GALC: variants seen among roughly 807,000 people sequenced by gnomAD.
The protein encoded by GALC is galactocerebrosidase.
A neutral mutation model predicts 91.8 loss-of-function variants in GALC; 77 were observed. The ratio of observed to expected loss-of-function variants is 0.84; its 90% CI spans 0.70 to 1.01. GALC has a LOEUF of 1.01. Among genes scored for constraint, GALC ranks in the 50% least tolerant of loss-of-function variants. The pLI, the probability that GALC is intolerant of heterozygous loss-of-function variation, is 0.00. For missense variants in GALC, 882 were observed against 855.9 expected (o/e 1.03, Z -0.38); for synonymous variants, 357 against 306.7 (o/e 1.16, Z -1.71).
Position 87,988,209 on chromosome 14 carries a change from T to C in GALC, c.265-2A>G, listed in dbSNP as rs199710405. 2.5e-5 allele frequency: 40 copies of C among 1,613,118 alleles called. No homozygotes were observed. The highest frequency in any genetic ancestry group is 5.9e-6 in the Non-Finnish European group (7 of 1,179,446). On this transcript the variant is annotated splice_acceptor_variant, in intron 2 of 16. Transcript: ENST00000261304. LOFTEE classifies it high-confidence loss of function. ...ATGCAAAGAGGCACCAAAATTCGGC[T>C]GTGAAAAGAAGTAACAGTATTAACA...
intron 5 of GALC, 100 bp downstream of exon 5, chr14:87,984,286 AGCCTCATG>A (rs1886874868): frequency 9.4e-7 from 1 of 1,064,990 alleles, no homozygotes; most frequent in East Asian, 2.6e-5. Context: ...AGAACAAATT[AGCCTCATG>A]GCATAAAATG....
At chr14:87,972,107 A>G (rs1352066366) in intron 7 of GALC, among the ~76,000 whole-genome samples, 1 of 152,156 alleles carries the variant, frequency 6.6e-6, no homozygotes, top group Middle Eastern at 3.2e-3. Context: ...CAAAATTGCA[A>G]TAGCCCAAAA....
chr14:87,976,403 G>A lies in GALC; in HGVS notation c.707C>T (p.Ser236Phe), dbSNP rs747457735. 1.9e-6 allele frequency: 3 copies of A among 1,613,970 alleles called. No individual in the cohort carries two copies. The highest frequency in any genetic ancestry group is 1.1e-5 in the South Asian group (1 of 91,076). ...GAAGAGTTCGGCATCAAGGAGCATG[G>A]ATGCAGAGATGGACTCCCAGAGATT... The part of the protein sequence containing the change: ...SDNLWESISA[S>F]MLLDAELFKV... Residue 236 changes from serine (S) to phenylalanine (F), a missense_variant, in exon 7 of 17, where the codon TCC (serine) becomes TTC (phenylalanine). Ser to Phe is a radical substitution (Grantham distance 155). Transcript: ENST00000261304.
chr14:87,966,416 C>T (rs1421261431), intron 8 of GALC, among the ~76,000 whole-genome samples: 1 of 151,848 alleles, frequency 6.6e-6, no homozygotes, highest in Non-Finnish European at 1.5e-5. Context: ...AGTTATTGAA[C>T]TTGGTATTGT....
chr14:87,979,366 A>C (rs890553680), intron 6 of GALC, among the ~76,000 whole-genome samples: 1 of 152,162 alleles, frequency 6.6e-6, no homozygotes, highest in African/African-American at 2.4e-5. Context: ...AGATCCCAAT[A>C]AAATCTTGCT....
intron 6 of GALC, among the ~76,000 whole-genome samples, chr14:87,977,715 T>C (rs1886561098): frequency 6.6e-6 from 1 of 152,226 alleles, no homozygotes; most frequent in Non-Finnish European, 1.5e-5. Flanking sequence ...ACAAGCTCTC[T>C]CTTCACATTC....
intron 10 of GALC, among the ~76,000 whole-genome samples, chr14:87,956,752 T>C (rs959629050): frequency 1.3e-5 from 2 of 151,818 alleles, no homozygotes; most frequent in Non-Finnish European, 2.9e-5. Context: ...TCTGATACAG[T>C]GACTTCTTTT....
chr14:87,992,398 C>A, intron 1 of GALC: 1 of 1,535,664 alleles, frequency 6.5e-7, no homozygotes, highest in East Asian at 2.4e-5. Context: ...GACCTTGAGG[C>A]ACCAGTCCTG....
intron 16 of GALC, 81 bp downstream of exon 16, chr14:87,939,824 C>T (rs1053446759): frequency 6.0e-6 from 6 of 998,388 alleles, no homozygotes; most frequent in African/African-American, 4.8e-5. Flanking sequence ...ACACTTTCCC[C>T]CTCCTATTTT....
intron 7 of GALC, 43 bp from the exon 8 acceptor site, chr14:87,968,533 C>G: frequency 2.5e-6 from 4 of 1,585,018 alleles, no homozygotes; most frequent in Non-Finnish European, 3.5e-6. Flanking sequence ...AAGGTCACGA[C>G]GTGGCACTTA....
intron 7 of GALC, among the ~76,000 whole-genome samples, chr14:87,970,487 C>G (rs17687510): frequency 0.11 from 17,161 of 151,882 alleles, 1,141 homozygotes; most frequent in Non-Finnish European, 0.16. Context: ...ACATTCAAAA[C>G]CCAAATGATT....
chr14:87,937,200 G>A (rs1218303892), intron 16 of GALC, among the ~76,000 whole-genome samples: 1 of 151,766 alleles, frequency 6.6e-6, no homozygotes, highest in East Asian at 2.0e-4. Context: ...ACGCAAAGAA[G>A]ATTTATATGT....
chr14:87,973,326 G>A (rs935705345), intron 7 of GALC, among the ~76,000 whole-genome samples: 3 of 152,106 alleles, frequency 2.0e-5, no homozygotes, highest in Non-Finnish European at 2.9e-5. Flanking sequence ...ACTTGAAGGT[G>A]AGCATTTAAT....
upstream of GALC, chr14:87,993,185 G>A (rs768255795): frequency 6.5e-5 from 103 of 1,573,392 alleles, 2 homozygotes; most frequent in South Asian, 1.1e-3. Context: ...ACATGACTCC[G>A]GCGCCCAGGG....
chr14:87,947,941 A>C (rs1885143253), intron 12 of GALC, 63 bp from the exon 13 acceptor site: 1 of 1,423,052 alleles, frequency 7.0e-7, no homozygotes, highest in Non-Finnish European at 9.9e-7. Context: ...TGTGGACAGA[A>C]TAGCTTTAAA....
intron 6 of GALC, among the ~76,000 whole-genome samples, chr14:87,977,491 T>C (rs927849846): frequency 2.0e-5 from 3 of 152,060 alleles, no homozygotes; most frequent in African/African-American, 7.2e-5. Context: ...TACCAAAATG[T>C]ATGGATTGCC....
intron 1 of GALC, chr14:87,992,388 G>C: frequency 1.3e-6 from 2 of 1,535,670 alleles, no homozygotes; most frequent in Non-Finnish European, 1.7e-6. Flanking sequence ...CTTTTAAAGA[G>C]ACCTTGAGGC....
chr14:87,945,351 T>A (rs1317342076), intron 14 of GALC, among the ~76,000 whole-genome samples: 2 of 152,056 alleles, frequency 1.3e-5, no homozygotes. Context: ...AGGGCAAAAA[T>A]GAGGGAAGGA....
chr14:87,976,050 C>A (rs939012018), intron 7 of GALC, among the ~76,000 whole-genome samples: 3 of 152,122 alleles, frequency 2.0e-5, no homozygotes, highest in African/African-American at 7.2e-5. Flanking sequence ...ACAACTTTGC[C>A]TTTATAATTT....
Sources: gnomAD v4.1 joint callset for allele counts (sites outside exome capture counted in the v4.1 genomes callset) on GRCh38, gnomAD v4.1.1 for gene constraint, MANE v1.5 for transcripts, NCBI Gene and HGNC (gene_info 2026-07-23, HGNC 2026-07-21) for gene names.